MACROD2: variants seen among roughly 807,000 people sequenced by gnomAD.
MACROD2 encodes the protein ADP-ribose glycohydrolase MACROD2.
MACROD2 carries 36 observed loss-of-function variants against 70.4 expected under a neutral mutation model. The ratio of observed to expected loss-of-function variants is 0.51; its 90% CI spans 0.39 to 0.68. The LOEUF (loss-of-function observed/expected upper bound fraction) is 0.68. Among genes scored for constraint, MACROD2 ranks in the 30% least tolerant of loss-of-function variants. The pLI is 0.00. For synonymous variants in MACROD2, 172 were observed against 178.8 expected (o/e 0.96, Z 0.30); for missense variants, 496 against 538.4 (o/e 0.92, Z 0.78).
intron 2 of MACROD2, among the ~76,000 whole-genome samples, chr20:14,049,495 C>CT (rs2053532125): frequency 6.6e-6 from 1 of 151,532 alleles, no homozygotes; most frequent in Non-Finnish European, 1.5e-5. Flanking sequence ...AATCCCAGCA[C>CT]TTTGGGAGGC....
At chr20:15,538,951 G>T (rs545680834) in intron 8 of MACROD2, among the ~76,000 whole-genome samples, 1 of 151,908 alleles carries the variant, frequency 6.6e-6, no homozygotes, top group Non-Finnish European at 1.5e-5. Context: ...AATTATAACT[G>T]TATGGGCATA....
intron 3 of MACROD2, among the ~76,000 whole-genome samples, chr20:14,443,034 G>A (rs6074738): frequency 0.26 from 39,061 of 150,466 alleles, 5,273 homozygotes; most frequent in Admixed American, 0.31. Context: ...AGCCGAGATC[G>A]CGCCACTGTA....
intron 5 of MACROD2, chr20:15,022,722 A>T (rs959482291): frequency 1.3e-5 from 2 of 152,216 alleles, no homozygotes; most frequent in African/African-American, 2.4e-5. Context: ...TGCCAAATGC[A>T]TAATGACATG....
chr20:15,714,320 G>A (rs561888152), intron 8 of MACROD2, among the ~76,000 whole-genome samples: 54 of 152,270 alleles, frequency 3.5e-4, no homozygotes, highest in African/African-American at 1.2e-3. Flanking sequence ...GAAGTCCCTG[G>A]CTCCTGCCAC....
chr20:15,695,749 T>C (rs1759429216), intron 8 of MACROD2, among the ~76,000 whole-genome samples: 1 of 152,070 alleles, frequency 6.6e-6, no homozygotes, highest in Non-Finnish European at 1.5e-5. Context: ...GTTTTCCTTG[T>C]AGAGGTCTTT....
chr20:14,184,314 A>G (rs1228182988), intron 3 of MACROD2, among the ~76,000 whole-genome samples: 1 of 151,768 alleles, frequency 6.6e-6, no homozygotes, highest in Non-Finnish European at 1.5e-5. Flanking sequence ...TGTTTTTGTC[A>G]GGGTTGAAGA....
At chr20:14,257,290 C>T (rs1460210778) in intron 3 of MACROD2, among the ~76,000 whole-genome samples, 1 of 152,056 alleles carries the variant, frequency 6.6e-6, no homozygotes, top group African/African-American at 2.4e-5. Context: ...TATTAGATAT[C>T]ATCTTCCTGA....
intron 5 of MACROD2, among the ~76,000 whole-genome samples, chr20:15,113,348 G>T (rs1050497202): frequency 3.9e-5 from 6 of 151,974 alleles, no homozygotes; most frequent in Admixed American, 3.9e-4. Context: ...TTGTGTATTG[G>T]TTTAACACAC....
chr20:15,130,494 G>A (rs1344703100), intron 5 of MACROD2, among the ~76,000 whole-genome samples: 1 of 152,008 alleles, frequency 6.6e-6, no homozygotes, highest in Non-Finnish European at 1.5e-5. Flanking sequence ...AGCTAATGAG[G>A]CAGGCTGAGA....
chr20:15,210,552 G>GTTTTTTTTTTTTTTTTTT (rs11333280), intron 5 of MACROD2, among the ~76,000 whole-genome samples: 1 of 121,650 alleles, frequency 8.2e-6, no homozygotes. Flanking sequence ...CTTTTCTTCT[G>GTTTTTTTTTTTTTTTTTT]TTTTTTTTTT....
In MACROD2 at chr20:15,746,149, G is replaced by A. The variant is rs528176293; in HGVS notation, c.646-116596G>A. Among the ~76,000 whole-genome samples the A allele has an allele frequency of 1.2e-4, 18 of 152,036 alleles. No homozygotes were observed. In the South Asian group the frequency reaches 2.9e-3, roughly 25 times the overall value. On this transcript the variant is annotated intron_variant, in intron 8 of 17. Coordinates refer to ENST00000684519, the MANE Select transcript of MACROD2 (RefSeq NM_001351661.2). ...AAAAATATTGGGCTTTATAATTCACGAACAATGTATATAATTCATTTAAGT... is the reference window on the plus strand; with the variant it reads ...AAAAATATTGGGCTTTATAATTCACAAACAATGTATATAATTCATTTAAGT...
chr20:14,402,927 C>T (rs1001776954), intron 3 of MACROD2, among the ~76,000 whole-genome samples: 1 of 152,118 alleles, frequency 6.6e-6, no homozygotes, highest in Non-Finnish European at 1.5e-5. Flanking sequence ...CAGCTACTTG[C>T]ATGGGTAATA....
Position 14,133,824 on chromosome 20 carries a change from C to T in MACROD2, c.271+48096C>T, listed in dbSNP as rs539982365. On this transcript the variant is annotated intron_variant, in intron 3 of 17. Coordinates refer to ENST00000684519, the MANE Select transcript of MACROD2 (RefSeq NM_001351661.2). ...GGGAATACAATGGGCAGGTACCCCA[C>T]AGCTGTCAGCCCCTTCAGGGACTCT... Among the ~76,000 whole-genome samples the T allele has an allele frequency of 7.2e-5, 11 of 152,348 alleles. No individual in the cohort carries two copies. The South Asian group carries it at 2.1e-3, about 29-fold the overall frequency.
intron 3 of MACROD2, among the ~76,000 whole-genome samples, chr20:14,333,981 T>C (rs1285324038): frequency 1.3e-5 from 2 of 152,232 alleles, no homozygotes; most frequent in East Asian, 3.9e-4. Context: ...AAGCTGTCAT[T>C]GTCTCATCGA....
chr20:15,213,830 C>T (rs1431727942), intron 5 of MACROD2, among the ~76,000 whole-genome samples: 2 of 152,094 alleles, frequency 1.3e-5, no homozygotes, highest in African/African-American at 4.8e-5. Flanking sequence ...CAAACACAGC[C>T]AGCCATGTCC....
chr20:14,222,438 G>T (rs1309274712), intron 3 of MACROD2, among the ~76,000 whole-genome samples: 3 of 152,108 alleles, frequency 2.0e-5, no homozygotes, highest in Non-Finnish European at 1.5e-5. Context: ...TAAATAATGT[G>T]TATATATGGA....
At chr20:14,593,386 G>C (rs1432065240) in intron 4 of MACROD2, among the ~76,000 whole-genome samples, 2 of 152,086 alleles carry the variant, frequency 1.3e-5, no homozygotes, top group Non-Finnish European at 2.9e-5. Flanking sequence ...AAAACAGTGA[G>C]GTGAGGGAGG....
chr20:14,348,519 C>T (rs2122686219), intron 3 of MACROD2, among the ~76,000 whole-genome samples: 1 of 151,200 alleles, frequency 6.6e-6, no homozygotes, highest in Middle Eastern at 3.4e-3. Flanking sequence ...CTTCCTTCAA[C>T]TTGTCTTTTA....
chr20:15,815,916 T>G (rs934782338), intron 8 of MACROD2, among the ~76,000 whole-genome samples: 2 of 152,116 alleles, frequency 1.3e-5, no homozygotes, highest in Non-Finnish European at 2.9e-5. Context: ...ACATAATTAG[T>G]CAATTGTAAC....
Sources: gnomAD v4.1 joint callset for allele counts (sites outside exome capture counted in the v4.1 genomes callset) on GRCh38, gnomAD v4.1.1 for gene constraint, MANE v1.5 for transcripts, NCBI Gene and HGNC (gene_info 2026-07-23, HGNC 2026-07-21) for gene names.